Variants in SERPINB9 observed in about 807,000 individuals in gnomAD.
The protein encoded by SERPINB9 is serpin family B member 9.
In SERPINB9, 20 loss-of-function variants were observed where a neutral mutation model predicts 27.2. That is an observed-to-expected ratio of 0.74 (90% CI 0.52 to 1.07). The LOEUF (loss-of-function observed/expected upper bound fraction) is 1.07, where lower values mean the gene tolerates loss of function less well. Among genes scored for constraint, SERPINB9 ranks in the 50% least tolerant of loss-of-function variants. SERPINB9 has a pLI of 0.00. For missense variants in SERPINB9, 476 were observed against 460.1 expected, an observed-to-expected ratio of 1.03 and a Z score of -0.32; for synonymous variants, 189 against 180.0, an observed-to-expected ratio of 1.05 and a Z score of -0.40.
intron 5 of SERPINB9, among the ~76,000 whole-genome samples, chr6:2,892,590 A>G (rs1413798448): frequency 6.6e-6 from 1 of 152,202 alleles, no homozygotes; most frequent in Non-Finnish European, 1.5e-5. Context: ...GCAAAGTATT[A>G]CATTTATTAA....
At chr6:2,892,138 T>TAAAAAAAAAA (rs1767831514) in intron 5 of SERPINB9, 150 bp from the exon 6 acceptor site, 1 of 627,426 alleles carries the variant, frequency 1.6e-6, no homozygotes, top group African/African-American at 3.7e-5. Flanking sequence ...AAAAAAAAAG[T>TAAAAAAAAAA]CAACCAGTTC....
chr6:2,891,883 C>G lies in SERPINB9; in HGVS notation c.673G>C (p.Glu225Gln). The change falls in exon 6 of 7, where the codon GAG (glutamate) becomes CAG (glutamine). Residue 225 changes from glutamate to glutamine, a missense_variant. Glu to Gln is a conservative substitution (Grantham distance 29). Coordinates refer to ENST00000380698, the MANE Select transcript of SERPINB9 (RefSeq NM_004155.6). The surrounding 1 kb of genome is among the most constrained non-coding windows in gnomAD (Gnocchi z 4.0). ...GGCAGCAGCACCAGCAGGCTCAGCT[C>G]CTTCCTGGCGTAGGGCAGCTCCAGC... ...QLLELPYARK[E>Q]LSLLVLLPDD... 3 of 1,612,170 alleles carry G rather than the reference C, an allele frequency of 1.9e-6. No individual in the cohort carries two copies. The highest frequency in any genetic ancestry group is 1.3e-5 in the African/African-American group (1 of 74,978).
In SERPINB9 at chr6:2,896,142, G is replaced by T. The variant is rs1460932325; in HGVS notation, c.217C>A (p.Leu73Ile). Reference protein sequence around the residue: ...EEDIHRAFQSLLTEVNKAGTQ... With the variant: ...EEDIHRAFQSILTEVNKAGTQ... ...CCAGCCTTGTTCACTTCAGTGAGAA[G>T]CGACTGGAAAGCCCGATGAATGTCT... Residue 73 changes from leucine (L) to isoleucine (I), a missense_variant, in exon 3 of 7, where the codon CTT becomes ATT. Leu to Ile is a conservative substitution (Grantham distance 5). Transcript: ENST00000380698. 1 of 1,613,992 alleles carries T rather than the reference G, an allele frequency of 6.2e-7. No individual in the cohort carries two copies. Among genetic ancestry groups the T allele is most frequent in the African/African-American group, 1.3e-5 (1 of 74,914 alleles).
rs1485739700 is a variant in SERPINB9 at position 2,890,693 on chromosome 6, C to G, written c.724-123G>C. 1 of 897,284 alleles carries G rather than the reference C, an allele frequency of 1.1e-6. No individual in the cohort carries two copies. Among genetic ancestry groups the G allele is most frequent in the Non-Finnish European group, 1.7e-6 (1 of 587,468 alleles). The allele number at this position is 897,284 out of a possible 1,614,324, so 55.6% of individuals were successfully genotyped here. On this transcript the variant is annotated intron_variant, in intron 6 of 6. Coordinates refer to ENST00000380698, the MANE Select transcript of SERPINB9 (RefSeq NM_004155.6). The surrounding 1 kb of genome is among the most constrained non-coding windows in gnomAD (Gnocchi z 6.2). ...TTGTTTGTTCACATAGGATCAGTGG[C>G]CCCTTCATCTGCCAGAAGCTTGTGA... is the stretch of plus-strand genomic sequence containing the variant.
At chr6:2,898,647 C>T (rs957922008) in intron 2 of SERPINB9, among the ~76,000 whole-genome samples, 1 of 152,090 alleles carries the variant, frequency 6.6e-6, no homozygotes, top group East Asian at 1.9e-4. Context: ...GAAACCCTGT[C>T]TCTACTAAAA....
Position 2,888,240 on chromosome 6 carries a change from T to C in SERPINB9, c.*1923A>G, listed in dbSNP as rs1020690396. The C allele has an allele frequency of 6.6e-6, 1 of 152,210 alleles. No homozygotes were observed. Among genetic ancestry groups the C allele is most frequent in the Admixed American group, 6.5e-5 (1 of 15,276 alleles). The allele number at this position is 152,210 out of a possible 1,614,324, so 9.4% of individuals were successfully genotyped here. A position where few individuals can be genotyped will look rare whatever the true frequency, so the allele number is the denominator to read the frequency against. ...AATTCTCATACATTGCTGGTGGGAA[T>C]GTGGAATGGTTCAACTGCTGTGGAA... On this transcript the variant is annotated 3_prime_UTR_variant, in exon 7 of 7. Transcript: ENST00000380698.
At position 2,891,112 on chromosome 6, in the gene SERPINB9, C is replaced by T. The variant is rs1767786338; in HGVS notation, c.724-542G>A. On this transcript the variant is annotated intron_variant, in intron 6 of 6. Coordinates refer to ENST00000380698, the MANE Select transcript of SERPINB9 (RefSeq NM_004155.6). This position sits in a 1 kb window ranked among gnomAD's most constrained non-coding sequence, Gnocchi z 4.0. ...TGGGCAGAGGGAGAGCCAATGGCTG[C>T]TGCGCACACAGACCTCTTAAGTCAT... Among the ~76,000 whole-genome samples, 1 of 152,208 alleles carries T rather than the reference C, an allele frequency of 6.6e-6. No individual in the cohort carries two copies. The highest frequency in any genetic ancestry group is 2.4e-5 in the African/African-American group (1 of 41,450).
chr6:2,893,445 G>GT lies in SERPINB9; in HGVS notation c.532dup (p.Thr178AsnfsTer9). 2.5e-6 allele frequency: 4 copies of GT among 1,613,020 alleles called. No individual in the cohort carries two copies. Among genetic ancestry groups the GT allele is most frequent in the Non-Finnish European group, 3.4e-6 (4 of 1,179,454 alleles). On this transcript the variant is annotated frameshift_variant, in exon 5 of 7. Coordinates refer to ENST00000380698, the MANE Select transcript of SERPINB9 (RefSeq NM_004155.6). LOFTEE classifies it high-confidence loss of function. Reference sequence around the variant, plus strand: ...TTTAAAGGGCATTTCCCTTGTGTATGTTTCGTCAAACGGTTCATTCCACTT... The same window carrying GT: ...TTTAAAGGGCATTTCCCTTGTGTATGTTTTCGTCAAACGGTTCATTCCACTT...
chr6:2,898,726 A>G (rs1462411854), intron 2 of SERPINB9, among the ~76,000 whole-genome samples: 2 of 151,978 alleles, frequency 1.3e-5, no homozygotes, highest in East Asian at 3.9e-4. Flanking sequence ...AGGTGGAAGA[A>G]TGGTGTGAAC....
intron 2 of SERPINB9, among the ~76,000 whole-genome samples, chr6:2,898,177 A>G (rs1271216759): frequency 6.6e-6 from 1 of 152,216 alleles, no homozygotes; most frequent in Non-Finnish European, 1.5e-5. Context: ...AATTACTTCT[A>G]AAAAGGCTTA....
intron 2 of SERPINB9, among the ~76,000 whole-genome samples, chr6:2,900,190 C>G (rs1226665793): frequency 3.9e-5 from 6 of 152,270 alleles, no homozygotes; most frequent in East Asian, 1.9e-4. Context: ...TAGGACAAGA[C>G]AGCTTGGATG....
rs1767682727 is a variant in SERPINB9 at position 2,888,940 on chromosome 6, T to C, written c.*1223A>G. ...CGTATATAATCAACTTACTTATTAC[T>C]GCACTATGAGGGGCACCCAGATATG... On this transcript the variant is annotated 3_prime_UTR_variant, in exon 7 of 7. Transcript: ENST00000380698. The C allele has an allele frequency of 6.6e-6, 1 of 152,182 alleles. No homozygotes were observed. Among genetic ancestry groups the C allele is most frequent in the Non-Finnish European group, 1.5e-5 (1 of 68,046 alleles). 9.4% of individuals were successfully genotyped at this position (152,182 alleles called of 1,614,324 possible).
chr6:2,895,330 T>C (rs973771931), intron 4 of SERPINB9, 61 bp downstream of exon 4: 71 of 1,082,476 alleles, frequency 6.6e-5, no homozygotes, highest in South Asian at 1.3e-4. Flanking sequence ...GAAGGAGGAA[T>C]AGGAAGAGCC....
At position 2,891,825 on chromosome 6, in the gene SERPINB9, G is replaced by T. The variant is rs1767808541; in HGVS notation, c.723+8C>A. ...GTCCCTGGGTTCTTCCCGCAGCCCGGGTCTTACCGTGCTGAGCTCCACGCC... is the reference window on the plus strand; with the variant it reads ...GTCCCTGGGTTCTTCCCGCAGCCCGTGTCTTACCGTGCTGAGCTCCACGCC... On this transcript the variant is annotated splice_region_variant and intron_variant, in intron 6 of 6. Transcript: ENST00000380698. The surrounding 1 kb of genome is among the most constrained non-coding windows in gnomAD (Gnocchi z 4.0). 6.3e-7 allele frequency: 1 copy of T among 1,587,400 alleles called. No homozygotes were observed. The highest frequency in any genetic ancestry group is 8.5e-7 in the Non-Finnish European group (1 of 1,171,392).
At chr6:2,893,643 TTC>T (rs1767900627) in intron 4 of SERPINB9, 90 bp from the exon 5 acceptor site, 7 of 1,202,410 alleles carry the variant, frequency 5.8e-6, no homozygotes, top group Non-Finnish European at 7.0e-6. Context: ...AGAAGCAAAC[TTC>T]TGTTTTCAAC....
chr6:2,893,525 G>C lies in SERPINB9; in HGVS notation c.453C>G (p.Ser151Arg). 6.2e-7 allele frequency: 1 copy of C among 1,612,424 alleles called. No homozygotes were observed. The highest frequency in any genetic ancestry group is 8.5e-7 in the Non-Finnish European group (1 of 1,179,072). ...EGKIEELLPG[S>R]SIDAETRLVL... ...CCAGCCTGGTTTCTGCATCAATTGA[G>C]CTACCCGGCAACAACTCTTCAATTT... Residue 151 changes from serine (S) to arginine (R), a missense_variant, in exon 5 of 7, where the codon AGC becomes AGG. By Grantham distance (110) the Ser-to-Arg change is moderately radical. Transcript: ENST00000380698.
chr6:2,896,046 A>G lies in SERPINB9; in HGVS notation c.306+7T>C, dbSNP rs76406624. On this transcript the variant is annotated splice_region_variant and intron_variant, in intron 3 of 6. Coordinates refer to ENST00000380698, the MANE Select transcript of SERPINB9 (RefSeq NM_004155.6). ...GCAACTTTTATTGTTCTATTGATTC[A>G]ACTTACTGAGAGGAACTGACAAGTT... is the stretch of plus-strand genomic sequence containing the variant. 0.017 allele frequency: 27,317 copies of G among 1,611,426 alleles called. 760 individuals carry two copies. The highest frequency in any genetic ancestry group is 0.095 in the African/African-American group (7,112 of 74,850).
Position 2,894,048 on chromosome 6 carries a change from C to G in SERPINB9, c.425-495G>C, listed in dbSNP as rs1332807692. Among the ~76,000 whole-genome samples the G allele has an allele frequency of 6.6e-6, 1 of 152,062 alleles. No individual in the cohort carries two copies. The highest frequency in any genetic ancestry group is 1.5e-5 in the Non-Finnish European group (1 of 68,016). The stretch of plus-strand genomic sequence containing the variant: ...TTTGGAGGAGATATTCCTGCTGAAT[C>G]CCCTCAACAAAGCACTAGGCATCCC... On this transcript the variant is annotated intron_variant, in intron 4 of 6. Coordinates refer to ENST00000380698, the MANE Select transcript of SERPINB9 (RefSeq NM_004155.6). The surrounding 1 kb of genome is among the most constrained non-coding windows in gnomAD (Gnocchi z 4.7).
At chr6:2,900,336 C>T (rs1581201341) in intron 2 of SERPINB9, 108 bp downstream of exon 2, 1 of 1,390,612 alleles carries the variant, frequency 7.2e-7, no homozygotes, top group East Asian at 2.3e-5. Flanking sequence ...CACACTCGGG[C>T]CCCAGTCCTG....
Sources: gnomAD v4.1 joint callset for allele counts (sites outside exome capture counted in the v4.1 genomes callset) on GRCh38, gnomAD v4.1.1 for gene constraint, Gnocchi (gnomAD v3.1) non-coding constraint, MANE v1.5 for transcripts, NCBI Gene and HGNC (gene_info 2026-07-23, HGNC 2026-07-21) for gene names.